DCC: variants seen among roughly 807,000 people sequenced by gnomAD.
DCC encodes the protein DCC netrin 1 receptor.
DCC carries 58 observed loss-of-function variants against 172.5 expected under a neutral mutation model. The ratio of observed to expected loss-of-function variants is 0.34; its 90% CI spans 0.27 to 0.42. DCC has a LOEUF of 0.42. Among genes scored for constraint, DCC ranks in the 10% least tolerant of loss-of-function variants. DCC has a pLI of 1.00. For missense variants in DCC, 1,740 were observed against 1,791.0 expected (o/e 0.97, Z 0.51); for synonymous variants, 709 against 644.5 (o/e 1.10, Z -1.52).
intron 12 of DCC, among the ~76,000 whole-genome samples, chr18:53,295,181 A>G (rs1415108516): frequency 6.6e-6 from 1 of 152,128 alleles, no homozygotes; most frequent in East Asian, 1.9e-4. Flanking sequence ...TTTGTCTAAC[A>G]GTTGTCTACA....
chr18:52,545,164 G>A (rs1049580204), intron 1 of DCC, among the ~76,000 whole-genome samples: 1 of 152,222 alleles, frequency 6.6e-6, no homozygotes, highest in African/African-American at 2.4e-5. Context: ...CCTTGGGGAA[G>A]AGTTGCTTTT....
At chr18:52,674,117 C>T (rs1484279106) in intron 1 of DCC, among the ~76,000 whole-genome samples, 5 of 152,082 alleles carry the variant, frequency 3.3e-5, no homozygotes. Context: ...AGATTCAATG[C>T]AGGAGACATT....
In DCC at chr18:53,057,052, G is replaced by A. The variant is rs541367885; in HGVS notation, c.986-6253G>A. Among the ~76,000 whole-genome samples, 6 of 108,134 alleles carry A rather than the reference G, an allele frequency of 5.5e-5. No individual in the cohort carries two copies. The South Asian group carries it at 1.7e-3, about 31-fold the overall frequency. 70.9% of individuals were successfully genotyped at this position (108,134 alleles called of 152,430 possible). On this transcript the variant is annotated intron_variant, in intron 5 of 28. Coordinates refer to ENST00000442544, the MANE Select transcript of DCC (RefSeq NM_005215.4). ...ATACCTAAGTAACTGGAAAAGAATA[G>A]CTGAATAGCTAAGTAACTTCTAAAA...
intron 1 of DCC, among the ~76,000 whole-genome samples, chr18:52,664,473 T>TC (rs1158045953): frequency 0.012 from 1,499 of 123,396 alleles, 54 homozygotes; most frequent in African/African-American, 0.043. Flanking sequence ...TCTTTTTCTT[T>TC]TTCTTTTTTT....
intron 1 of DCC, among the ~76,000 whole-genome samples, chr18:52,370,510 T>C (rs1453035312): frequency 6.6e-6 from 1 of 152,066 alleles, no homozygotes; most frequent in Non-Finnish European, 1.5e-5. Context: ...GGGAACTGAA[T>C]GATGAGAACA....
At chr18:52,689,758 G>C (rs1405541433) in intron 1 of DCC, among the ~76,000 whole-genome samples, 1 of 152,128 alleles carries the variant, frequency 6.6e-6, no homozygotes, top group Non-Finnish European at 1.5e-5. Flanking sequence ...TTGCTGAAAA[G>C]ACTCTTAATT....
intron 5 of DCC, among the ~76,000 whole-genome samples, chr18:53,059,582 T>G (rs926109365): frequency 6.6e-6 from 1 of 152,160 alleles, no homozygotes; most frequent in African/African-American, 2.4e-5. Context: ...CTCAGCGAAC[T>G]TGGAAGATAT....
At chr18:53,146,563 T>G (rs1401249273) in intron 7 of DCC, among the ~76,000 whole-genome samples, 1 of 152,226 alleles carries the variant, frequency 6.6e-6, no homozygotes, top group Non-Finnish European at 1.5e-5. Flanking sequence ...ACTGTTGCAT[T>G]GGAGATTAAA....
intron 8 of DCC, among the ~76,000 whole-genome samples, chr18:53,164,758 A>C (rs2054891283): frequency 2.0e-5 from 3 of 152,220 alleles, no homozygotes; most frequent in African/African-American, 7.2e-5. Flanking sequence ...ATGTGGGTTG[A>C]AAATTAAAAT....
chr18:52,613,366 C>T (rs925050063), intron 1 of DCC, among the ~76,000 whole-genome samples: 4 of 152,178 alleles, frequency 2.6e-5, no homozygotes, highest in Admixed American at 1.3e-4. Context: ...CACCATCCTC[C>T]TGCCTCAGCC....
chr18:52,947,985 G>A (rs17483199), intron 5 of DCC, among the ~76,000 whole-genome samples: 1 of 151,934 alleles, frequency 6.6e-6, no homozygotes, highest in Non-Finnish European at 1.5e-5. Context: ...AGGTAGAAAG[G>A]CATCTAACCA....
chr18:52,850,989 T>G (rs1275094668), intron 2 of DCC, among the ~76,000 whole-genome samples: 1 of 152,060 alleles, frequency 6.6e-6, no homozygotes, highest in Non-Finnish European at 1.5e-5. Flanking sequence ...TTGAAAGTTC[T>G]TATGTTTCTA....
At chr18:52,460,648 T>C (rs1440566854) in intron 1 of DCC, among the ~76,000 whole-genome samples, 1 of 152,234 alleles carries the variant, frequency 6.6e-6, no homozygotes, top group African/African-American at 2.4e-5. Flanking sequence ...GGCTATATGG[T>C]GTAGCCTATT....
intron 2 of DCC, among the ~76,000 whole-genome samples, chr18:52,753,279 G>A (rs1458582295): frequency 2.6e-5 from 4 of 152,038 alleles, no homozygotes; most frequent in Non-Finnish European, 5.9e-5. Flanking sequence ...GATGTAAAAA[G>A]ATTCATGTTT....
At chr18:52,990,829 A>G (rs549270024) in intron 5 of DCC, among the ~76,000 whole-genome samples, 1 of 152,312 alleles carries the variant, frequency 6.6e-6, no homozygotes, top group Admixed American at 6.5e-5. Context: ...TTCATAGCAA[A>G]ATATTATTTT....
chr18:53,146,437 A>AGGGGCAAAAACT (rs1355268845), intron 7 of DCC, among the ~76,000 whole-genome samples: 1 of 152,166 alleles, frequency 6.6e-6, no homozygotes, highest in African/African-American at 2.4e-5. Flanking sequence ...AAGGAATGGA[A>AGGGGCAAAAACT]GGGGCAAAAA....
chr18:52,535,404 C>A (rs1168146919), intron 1 of DCC, among the ~76,000 whole-genome samples: 4 of 152,174 alleles, frequency 2.6e-5, no homozygotes, highest in African/African-American at 9.7e-5. Flanking sequence ...TTGTTGTAAT[C>A]CTTGCCTAAG....
At chr18:52,829,319 T>C (rs1003172706) in intron 2 of DCC, among the ~76,000 whole-genome samples, 1 of 152,202 alleles carries the variant, frequency 6.6e-6, no homozygotes, top group Non-Finnish European at 1.5e-5. Flanking sequence ...ATCCGTATGC[T>C]GGTAGGAACA....
intron 5 of DCC, among the ~76,000 whole-genome samples, chr18:53,041,866 G>C (rs1490071691): frequency 6.6e-6 from 1 of 152,054 alleles, no homozygotes; most frequent in African/African-American, 2.4e-5. Context: ...TTTGTATCCT[G>C]AGACTTTCCC....
Sources: gnomAD v4.1 joint callset for allele counts (sites outside exome capture counted in the v4.1 genomes callset) on GRCh38, gnomAD v4.1.1 for gene constraint, MANE v1.5 for transcripts, NCBI Gene and HGNC (gene_info 2026-07-23, HGNC 2026-07-21) for gene names.